Variants in CACNA1E observed in about 807,000 individuals in gnomAD.
CACNA1E encodes calcium voltage-gated channel subunit alpha1 E.
A neutral mutation model predicts 259.2 loss-of-function variants in CACNA1E; 40 were observed. The observed-to-expected ratio is 0.15, with a 90% CI of 0.12 to 0.20. The LOEUF is 0.20. Among genes scored for constraint, CACNA1E ranks in the 10% least tolerant of loss-of-function variants. CACNA1E has a pLI of 1.00. For missense variants in CACNA1E, 1,874 were observed against 3,040.1 expected, an observed-to-expected ratio of 0.62 and a Z score of 9.02; for synonymous variants, 1,104 against 1,138.5, an observed-to-expected ratio of 0.97 and a Z score of 0.61.
At chr1:181,339,611 G>A (rs1023840872) in intron 1 of CACNA1E, among the ~76,000 whole-genome samples, 7 of 151,954 alleles carry the variant, frequency 4.6e-5, no homozygotes, top group Non-Finnish European at 1.0e-4. Flanking sequence ...TTCATCTACC[G>A]ACATAGTACC....
intron 2 of CACNA1E, among the ~76,000 whole-genome samples, chr1:181,428,414 T>C (rs1659463378): frequency 6.6e-6 from 1 of 152,104 alleles, no homozygotes; most frequent in South Asian, 2.1e-4. Context: ...GTGGCTCAGC[T>C]AGGGGCATCC....
At position 181,476,237 on chromosome 1, in the gene CACNA1E, C is replaced by A. The variant is rs192859656; in HGVS notation, c.435-7507C>A. ...AAATGGCCTGCCCAGGTATATATTT[C>A]AAAACTGGCCTTAAGTCCATATCAT... On this transcript the variant is annotated intron_variant, in intron 2 of 11. Coordinates refer to the CACNA1E transcript ENST00000524607. Among the ~76,000 whole-genome samples the A allele has an allele frequency of 3.3e-5, 5 of 152,278 alleles. No homozygotes were observed. The East Asian group carries it at 9.7e-4, about 29-fold the overall frequency.
intron 6 of CACNA1E, among the ~76,000 whole-genome samples, chr1:181,605,846 A>T (rs530381532): frequency 1.3e-5 from 2 of 152,316 alleles, no homozygotes; most frequent in South Asian, 2.1e-4. Context: ...ATTTGTCCAG[A>T]TGGAGATTTT....
At chr1:181,603,519 T>C (rs951900346) in intron 6 of CACNA1E, among the ~76,000 whole-genome samples, 2 of 152,118 alleles carry the variant, frequency 1.3e-5, no homozygotes, top group Non-Finnish European at 2.9e-5. Context: ...GTGTGAACAC[T>C]GTAATTAGTA....
rs764326900 is a variant in CACNA1E at position 181,776,327 on chromosome 1, G to A, written c.5267+99G>A. 1 of 1,222,782 alleles carries A rather than the reference G, an allele frequency of 8.2e-7. No individual in the cohort carries two copies. The highest frequency in any genetic ancestry group is 1.8e-5 in the Admixed American group (1 of 56,238). 75.7% of individuals were successfully genotyped at this position (1,222,782 alleles called of 1,614,324 possible). A position where few individuals can be genotyped will look rare whatever the true frequency, so the allele number is the denominator to read the frequency against. On this transcript the variant is annotated intron_variant, in intron 38 of 47. Transcript: ENST00000367573. The surrounding 1 kb of genome is among the most constrained non-coding windows in gnomAD (Gnocchi z 4.4). ...ATTGGAGCCACCCAAATGCCTGCCT[G>A]TTACAGAAGGAAAGGAGATTCCTCT...
intron 3 of CACNA1E, among the ~76,000 whole-genome samples, chr1:181,528,748 T>A (rs534143355): frequency 6.6e-6 from 1 of 152,264 alleles, no homozygotes; most frequent in East Asian, 1.9e-4. Context: ...TTTGTGGAAC[T>A]TTGAACTTGA....
At chr1:181,431,536 C>T (rs913304404) in intron 2 of CACNA1E, among the ~76,000 whole-genome samples, 3 of 152,096 alleles carry the variant, frequency 2.0e-5, no homozygotes, top group Non-Finnish European at 4.4e-5. Flanking sequence ...TGACCTGGTC[C>T]AGGATATTAA....
intron 43 of CACNA1E, 99 bp downstream of exon 43, chr1:181,785,918 C>A: frequency 1.4e-6 from 1 of 732,738 alleles, no homozygotes; most frequent in Non-Finnish European, 2.4e-6. Flanking sequence ...GGCCCAAGAA[C>A]AAATACTCTG....
intron 6 of CACNA1E, among the ~76,000 whole-genome samples, chr1:181,587,717 A>T (rs943440547): frequency 6.6e-6 from 1 of 151,990 alleles, no homozygotes; most frequent in South Asian, 2.1e-4. Flanking sequence ...CCCCGTCTCT[A>T]CTAAAAATAT....
Position 181,485,054 on chromosome 1 carries a change from G to C in CACNA1E, c.266+1044G>C, listed in dbSNP as rs928747196. 1.3e-5 allele frequency among the ~76,000 whole-genome samples: 2 copies of C among 152,220 alleles called. No homozygotes were observed. Among genetic ancestry groups the C allele is most frequent in the African/African-American group, 2.4e-5 (1 of 41,452 alleles). On this transcript the variant is annotated intron_variant, in intron 1 of 47. Transcript: ENST00000367573. The surrounding 1 kb of genome is among the most constrained non-coding windows in gnomAD (Gnocchi z 4.2). ...GCCTGGCAAGGCCATTGGGAATTGG[G>C]GGTGGTGAGGCAGTGAAGGGGATTA...
chr1:181,505,815 G>T (rs747914945), intron 1 of CACNA1E, among the ~76,000 whole-genome samples: 9 of 152,078 alleles, frequency 5.9e-5, no homozygotes, highest in Non-Finnish European at 2.9e-5. Flanking sequence ...GGTACCTTTT[G>T]TAAGGATACC....
chr1:181,520,496 G>A (rs777619837), intron 3 of CACNA1E, among the ~76,000 whole-genome samples: 3 of 151,820 alleles, frequency 2.0e-5, no homozygotes, highest in Non-Finnish European at 4.4e-5. Context: ...AAATACTATG[G>A]TTCTGTAGAC....
intron 1 of CACNA1E, among the ~76,000 whole-genome samples, chr1:181,358,500 C>G (rs1178984795): frequency 6.6e-6 from 1 of 152,090 alleles, no homozygotes; most frequent in Non-Finnish European, 1.5e-5. Context: ...TACTAGGTTG[C>G]AGGAGAGATT....
chr1:181,654,489 A>C (rs1032321633), intron 7 of CACNA1E, among the ~76,000 whole-genome samples: 3 of 152,208 alleles, frequency 2.0e-5, no homozygotes, highest in African/African-American at 7.2e-5. Flanking sequence ...TTGCCAGATT[A>C]AAAGATGTGT....
rs553412823 is a variant in CACNA1E at position 181,335,571 on chromosome 1, C to T, written c.-15+17448C>T. ...TATTGTCTTCAGGTTTTCAGCTGTG[C>T]ATGCTGCTGTAGTTTTAATCCAAGG... On this transcript the variant is annotated intron_variant, in intron 1 of 11. Coordinates refer to the CACNA1E transcript ENST00000524607. 7.6e-4 allele frequency among the ~76,000 whole-genome samples: 115 copies of T among 152,302 alleles called. 1 individual carries two copies. Among genetic ancestry groups the T allele is most frequent in the Admixed American group, 2.2e-3 (34 of 15,304 alleles).
rs759613835 is a variant in CACNA1E, at chr1:181,762,615, C to G, written c.4647C>G (p.Thr1549=). The change falls in exon 33 of 48, where the codon ACC becomes ACG. Residue 1549 remains threonine, a synonymous_variant. Coordinates refer to ENST00000367573, the MANE Select transcript of CACNA1E (RefSeq NM_001205293.3). The stretch of plus-strand genomic sequence containing the variant: ...CCTGGAATATCTTTGACTTCATCAC[C>G]GTGATTGGCAGTATCACAGAAATTA... ...RDTWNIFDFI[T]VIGSITEIIL... is the part of the protein sequence containing the mutation. The G allele has an allele frequency of 1.2e-6, 2 of 1,608,588 alleles. No individual in the cohort carries two copies. Among genetic ancestry groups the G allele is most frequent in the Non-Finnish European group, 1.7e-6 (2 of 1,176,976 alleles).
chr1:181,521,562 G>C (rs1232592210), intron 3 of CACNA1E, among the ~76,000 whole-genome samples: 1 of 152,220 alleles, frequency 6.6e-6, no homozygotes, highest in Non-Finnish European at 1.5e-5. Context: ...GCCGGTATTA[G>C]TTGAGCACAT....
At chr1:181,419,122 G>A (rs1658514881) in intron 2 of CACNA1E, among the ~76,000 whole-genome samples, 2 of 152,136 alleles carry the variant, frequency 1.3e-5, no homozygotes, top group South Asian at 4.1e-4. Flanking sequence ...AAAGGATTTA[G>A]AAAGGTAGAA....
Position 181,337,885 on chromosome 1 carries a change from G to A in CACNA1E, c.-15+19762G>A, listed in dbSNP as rs773559121. On this transcript the variant is annotated intron_variant, in intron 1 of 11. Transcript: ENST00000524607. ...TTTTGGCTATATAACCAGCAGAAGC[G>A]TTGCTGGATCATATGGTAGTTCTAT... Among the ~76,000 whole-genome samples the A allele has an allele frequency of 4.1e-4, 62 of 152,172 alleles. 1 individual carries two copies. The highest frequency in any genetic ancestry group is 1.4e-4 in the African/African-American group (6 of 41,416).
Sources: allele counts gnomAD v4.1 joint callset (sites outside exome capture counted in the v4.1 genomes callset), GRCh38; gene constraint gnomAD v4.1.1; non-coding constraint Gnocchi (gnomAD v3.1); transcripts MANE v1.5; gene names NCBI Gene and HGNC (gene_info 2026-07-23, HGNC 2026-07-21).